PCSK5: variants seen among roughly 807,000 people sequenced by gnomAD.
PCSK5 encodes the protein proprotein convertase subtilisin/kexin type 5.
In PCSK5, 129 loss-of-function variants were observed where a neutral mutation model predicts 233.2. That is an observed-to-expected ratio of 0.55 (90% CI 0.48 to 0.64). The LOEUF (loss-of-function observed/expected upper bound fraction) is 0.64. PCSK5 is among the 30% of genes least tolerant of loss of function. PCSK5 has a pLI of 0.00. For missense variants in PCSK5, 2,076 were observed against 2,430.1 expected (o/e 0.85, Z 3.06); for synonymous variants, 825 against 879.2 (o/e 0.94, Z 1.09).
intron 14 of PCSK5, 176 bp downstream of exon 14, chr9:76,175,305 TAGAATAGAACAGAAC>T (rs1474791429): frequency 3.5e-6 from 2 of 578,586 alleles, no homozygotes; most frequent in Admixed American, 3.3e-5. Flanking sequence ...TAGAATAGAA[TAGAATAGAACAGAAC>T]AGAATAGAAT....
intron 20 of PCSK5, among the ~76,000 whole-genome samples, chr9:76,217,159 C>G (rs915537154): frequency 2.6e-5 from 4 of 152,164 alleles, no homozygotes; most frequent in African/African-American, 9.7e-5. Context: ...AAATCAACCA[C>G]AGTATGAGAA....
chr9:75,993,336 A>T (rs1172251655), intron 3 of PCSK5, among the ~76,000 whole-genome samples: 1 of 152,072 alleles, frequency 6.6e-6, no homozygotes, highest in African/African-American at 2.4e-5. Flanking sequence ...TAGCTCTGTG[A>T]CCTCTAGAAA....
chr9:76,356,275 G>A (rs751603032), intron 37 of PCSK5, among the ~76,000 whole-genome samples: 7 of 152,126 alleles, frequency 4.6e-5, no homozygotes, highest in Non-Finnish European at 8.8e-5. Context: ...AGCTTTCCTG[G>A]TCCCCCTGCA....
In PCSK5 at chr9:76,350,871, C is replaced by T. The variant is rs1465055082; in HGVS notation, c.5010C>T (p.His1670=). The T allele has an allele frequency of 6.2e-7, 1 of 1,609,962 alleles. No individual in the cohort carries two copies. Among genetic ancestry groups the T allele is most frequent in the African/African-American group, 1.3e-5 (1 of 74,832 alleles). The change falls in exon 36 of 38, where the codon CAC becomes CAT. Residue 1670 remains histidine, a synonymous_variant. Transcript: ENST00000674117. ...GTTTATCCTGTGTGTGGAGTTACCA[C>T]CTCATGGGAGGGATCTGCACCTCGG... is the stretch of plus-strand genomic sequence containing the variant. The part of the protein sequence containing the change: ...LNCLSCVWSY[H]LMGGICTSDC...
At position 76,334,696 on chromosome 9, in the gene PCSK5, A is replaced by C. The variant is rs904957549; in HGVS notation, c.4748+2086A>C. On this transcript the variant is annotated intron_variant, in intron 34 of 37. Coordinates refer to ENST00000674117, the MANE Select transcript of PCSK5 (RefSeq NM_001372043.1). Reference sequence around the variant, plus strand: ...CAGTGAGCCAAGATCACACCACTGCACTCCAACCTGGAGCAAGATTCTGTC... The same window carrying C: ...CAGTGAGCCAAGATCACACCACTGCCCTCCAACCTGGAGCAAGATTCTGTC... Among the ~76,000 whole-genome samples the C allele has an allele frequency of 1.7e-4, 26 of 152,176 alleles. 1 individual carries two copies. Among genetic ancestry groups the C allele is most frequent in the Non-Finnish European group, 4.4e-5 (3 of 68,016 alleles).
At chr9:76,112,128 G>C (rs1240799641) in intron 9 of PCSK5, among the ~76,000 whole-genome samples, 1 of 152,100 alleles carries the variant, frequency 6.6e-6, no homozygotes, top group Non-Finnish European at 1.5e-5. Context: ...AAACCTTTCT[G>C]CTTCTAATTG....
intron 1 of PCSK5, among the ~76,000 whole-genome samples, chr9:75,892,570 G>A (rs1564064515): frequency 6.6e-6 from 1 of 152,224 alleles, no homozygotes. Flanking sequence ...TCTGCCAGGG[G>A]GAAGGGAGAG....
chr9:76,180,378 T>G (rs1296725508), intron 15 of PCSK5, among the ~76,000 whole-genome samples: 1 of 152,078 alleles, frequency 6.6e-6, no homozygotes, highest in Non-Finnish European at 1.5e-5. Flanking sequence ...AAGATGCCAA[T>G]GCACAGGCCA....
At position 76,100,754 on chromosome 9, in the gene PCSK5, T is replaced by C. The variant is rs373123615; in HGVS notation, c.1107+4652T>C. On this transcript the variant is annotated intron_variant, in intron 8 of 37. Transcript: ENST00000674117. ...CACTATTTAGTCTCCTCATTTTGAA[T>C]TTCATTCCTTTACCCTTTTTCATAC... 3.3e-4 allele frequency among the ~76,000 whole-genome samples: 51 copies of C among 152,316 alleles called. No individual in the cohort carries two copies. The South Asian group carries it at 1.0e-2, about 30-fold the overall frequency.
At chr9:76,327,102 ATT>A (rs56100078) in intron 32 of PCSK5, among the ~76,000 whole-genome samples, 12,430 of 128,002 alleles carry the variant, frequency 0.097, 662 homozygotes, top group Non-Finnish European at 0.13. Context: ...GCCCATCTCT[ATT>A]TTTTTTTTTT....
chr9:75,930,643 C>T (rs2131278026), intron 1 of PCSK5, among the ~76,000 whole-genome samples: 1 of 152,292 alleles, frequency 6.6e-6, no homozygotes, highest in African/African-American at 2.4e-5. Flanking sequence ...TTGAAAGCCT[C>T]ATTCCAGCTA....
intron 8 of PCSK5, among the ~76,000 whole-genome samples, chr9:76,100,601 T>C (rs1831714415): frequency 6.6e-6 from 1 of 152,226 alleles, no homozygotes; most frequent in Non-Finnish European, 1.5e-5. Context: ...CCAGTGTGCA[T>C]CCCATCCTGA....
chr9:76,019,262 T>C (rs1005852327), intron 3 of PCSK5, among the ~76,000 whole-genome samples: 1 of 150,280 alleles, frequency 6.7e-6, no homozygotes, highest in South Asian at 2.1e-4. Context: ...TATCAATTCT[T>C]TTTTTTTTTA....
At chr9:76,113,199 C>A (rs530351375) in intron 9 of PCSK5, among the ~76,000 whole-genome samples, 1 of 152,202 alleles carries the variant, frequency 6.6e-6, no homozygotes, top group Admixed American at 6.5e-5. Flanking sequence ...AATGTTATTC[C>A]CTCTCTCACC....
rs777066898 is a variant in PCSK5 at position 76,315,641 on chromosome 9, A to AT, written c.3884+4790_3884+4791insT. On this transcript the variant is annotated intron_variant, in intron 30 of 37. Coordinates refer to ENST00000674117, the MANE Select transcript of PCSK5 (RefSeq NM_001372043.1). Reference sequence around the variant, plus strand: ...CAGGCAGATCTGTGTGGAGAAGACTACTTTTTTTTTTTTTTTTTTTTGAGA... The same window carrying AT: ...CAGGCAGATCTGTGTGGAGAAGACTATCTTTTTTTTTTTTTTTTTTTTGAGA... Among the ~76,000 whole-genome samples, 426 of 139,122 alleles carry AT rather than the reference A, an allele frequency of 3.1e-3. 3 individuals carry two copies. The highest frequency in any genetic ancestry group is 7.5e-3 in the African/African-American group (269 of 36,008). 91.3% of individuals were successfully genotyped at this position (139,122 alleles called of 152,430 possible). A position where few individuals can be genotyped will look rare whatever the true frequency, so the allele number is the denominator to read the frequency against.
intron 3 of PCSK5, among the ~76,000 whole-genome samples, chr9:76,018,600 T>C (rs1828051843): frequency 6.6e-6 from 1 of 152,148 alleles, no homozygotes; most frequent in Non-Finnish European, 1.5e-5. Context: ...GTGGAAAAAT[T>C]GTCTTCCACA....
chr9:76,252,599 C>A (rs561676638), intron 24 of PCSK5, among the ~76,000 whole-genome samples: 1 of 152,140 alleles, frequency 6.6e-6, no homozygotes, highest in African/African-American at 2.4e-5. Context: ...TGGCATCCTC[C>A]CCACCACTTT....
Position 76,179,599 on chromosome 9 carries a change from C to T in PCSK5, c.1904C>T (p.Pro635Leu), listed in dbSNP as rs1823757735. 1.2e-6 allele frequency: 2 copies of T among 1,611,886 alleles called. No homozygotes were observed. The highest frequency in any genetic ancestry group is 1.7e-5 in the Admixed American group (1 of 59,966). The change falls in exon 15 of 38, where the codon CCC (proline) becomes CTC (leucine). Residue 635 changes from proline (P) to leucine (L), a missense_variant. This residue lies in a region of PCSK5 where 84 missense variants were observed against 108.8 expected (regional missense o/e 0.77). Coordinates refer to ENST00000674117, the MANE Select transcript of PCSK5 (RefSeq NM_001372043.1). Reference protein sequence around the residue: ...DDYGTEDYAGPCDPECSEVGC... With the variant: ...DDYGTEDYAGLCDPECSEVGC... ...TGTTCTAATGTCTTTTGGAAAGGTC[C>T]CTGCGACCCTGAGTGCAGTGAGGTT...
At chr9:75,988,302 T>G (rs1348992715) in intron 3 of PCSK5, among the ~76,000 whole-genome samples, 1 of 152,048 alleles carries the variant, frequency 6.6e-6, no homozygotes, top group African/African-American at 2.4e-5. Flanking sequence ...TCTTTTTTTT[T>G]TTTGACAGAG....
Sources: allele counts gnomAD v4.1 joint callset (sites outside exome capture counted in the v4.1 genomes callset), GRCh38; gene constraint gnomAD v4.1.1; regional missense constraint gnomAD v4.1.1; transcripts MANE v1.5; gene names NCBI Gene and HGNC (gene_info 2026-07-23, HGNC 2026-07-21).